GDAP1L1: variants seen among roughly 807,000 people sequenced by gnomAD.
GDAP1L1 encodes the protein ganglioside induced differentiation associated protein 1 like 1, also known as ganglioside-induced differentiation-associated protein 1-like 1.
Under a neutral mutation model 37.1 loss-of-function variants are expected in GDAP1L1, and 21 were observed. That is an observed-to-expected ratio of 0.57 (90% CI 0.40 to 0.81). The LOEUF is 0.81. GDAP1L1 is among the 40% of genes least tolerant of loss of function. GDAP1L1 has a pLI of 0.00. For missense variants in GDAP1L1, 362 were observed against 491.6 expected (o/e 0.74, Z 2.49); for synonymous variants, 193 against 209.1 (o/e 0.92, Z 0.67).
intron 2 of GDAP1L1, chr20:44,258,050 C>T (rs1323626240): frequency 1.5e-6 from 1 of 663,164 alleles, no homozygotes. Flanking sequence ...CTCAGACACC[C>T]ACTGGGAGGG....
intron 5 of GDAP1L1, among the ~76,000 whole-genome samples, chr20:44,271,425 G>C (rs2062514580): frequency 6.6e-6 from 1 of 152,186 alleles, no homozygotes; most frequent in Non-Finnish European, 1.5e-5. Flanking sequence ...AATGGTGTCA[G>C]TGCTGCTGGG....
intron 1 of GDAP1L1, 145 bp from the exon 2 acceptor site, chr20:44,257,008 C>A: frequency 1.2e-6 from 1 of 840,006 alleles, no homozygotes; most frequent in East Asian, 2.7e-5. Flanking sequence ...CCCCCCAAAC[C>A]CAGGTGCCCA....
rs373550446 is a variant in GDAP1L1, at chr20:44,258,653, C to T, written c.547+46C>T. On this transcript the variant is annotated intron_variant, in intron 3 of 5. Coordinates refer to ENST00000342560, the MANE Select transcript of GDAP1L1 (RefSeq NM_024034.6). ...ACAGCCCCTCTGCTTTCCCCCTTTG[C>T]GCCGCTCCTTTCTTCCAAAGGATGT... 7.4e-4 allele frequency: 1,051 copies of T among 1,415,014 alleles called. 9 individuals carry two copies. In the Middle Eastern group the frequency reaches 0.011, roughly 15 times the overall value. The allele number at this position is 1,415,014 out of a possible 1,614,324, so 87.7% of individuals were successfully genotyped here. A position where few individuals can be genotyped will look rare whatever the true frequency, so the allele number is the denominator to read the frequency against.
chr20:44,251,196 C>T (rs1189014827), intron 1 of GDAP1L1, among the ~76,000 whole-genome samples: 2 of 152,194 alleles, frequency 1.3e-5, no homozygotes, highest in African/African-American at 4.8e-5. Context: ...AGATCTAATG[C>T]ATGTAAAGCT....
chr20:44,267,816 C>G (rs2062471378), intron 5 of GDAP1L1, among the ~76,000 whole-genome samples: 1 of 152,142 alleles, frequency 6.6e-6, no homozygotes, highest in African/African-American at 2.4e-5. Context: ...TGGAGAATAG[C>G]CTCAGACATG....
rs926317632 is a variant in GDAP1L1 at position 44,279,463 on chromosome 20, G to A, written c.*163G>A. 4.9e-5 allele frequency: 35 copies of A among 712,546 alleles called. No individual in the cohort carries two copies. Among genetic ancestry groups the A allele is most frequent in the Non-Finnish European group, 8.0e-5 (31 of 385,332 alleles). 44.1% of individuals were successfully genotyped at this position (712,546 alleles called of 1,614,324 possible). On this transcript the variant is annotated 3_prime_UTR_variant, in exon 6 of 6. Coordinates refer to ENST00000342560, the MANE Select transcript of GDAP1L1 (RefSeq NM_024034.6). Reference sequence around the variant, plus strand: ...TGTGAAAACATTCCGTAGTTTAGAAGTAGACGTTGCCAATGCTGTGACTCA... The same window carrying A: ...TGTGAAAACATTCCGTAGTTTAGAAATAGACGTTGCCAATGCTGTGACTCA...
intron 5 of GDAP1L1, chr20:44,264,764 A>C: frequency 8.1e-7 from 1 of 1,236,964 alleles, no homozygotes; most frequent in South Asian, 1.6e-5. Flanking sequence ...CCCCTCTCTG[A>C]AATTCAGTTT....
At chr20:44,273,459 G>A (rs1045545475) in intron 5 of GDAP1L1, among the ~76,000 whole-genome samples, 7 of 152,210 alleles carry the variant, frequency 4.6e-5, no homozygotes, top group African/African-American at 7.2e-5. Context: ...TTCACTGTCC[G>A]TCACTCCCAT....
intron 1 of GDAP1L1, among the ~76,000 whole-genome samples, chr20:44,254,858 G>A (rs2073509412): frequency 1.3e-5 from 2 of 152,168 alleles, no homozygotes; most frequent in South Asian, 2.1e-4. Flanking sequence ...GGTGGGGCAT[G>A]AAGTACTCTA....
At chr20:44,256,575 G>A (rs1449001686) in intron 1 of GDAP1L1, among the ~76,000 whole-genome samples, 5 of 151,878 alleles carry the variant, frequency 3.3e-5, no homozygotes, top group African/African-American at 2.4e-5. Flanking sequence ...CAGGAGAATC[G>A]CTTGAGTCCA....
chr20:44,265,353 C>A (rs554680128), intron 5 of GDAP1L1: 1 of 985,444 alleles, frequency 1.0e-6, no homozygotes, highest in Non-Finnish European at 1.2e-6. Flanking sequence ...TTTGCCACAG[C>A]CCTTCTTCAA....
rs8122232 is a variant in GDAP1L1 at position 44,279,708 on chromosome 20, C to A, written c.*408C>A. ...GGGCCTGACCCCTCACCTCCCCTTC[C>A]CTCTTGCCCAGGGAACTCTTCCACA... is the stretch of plus-strand genomic sequence containing the variant. On this transcript the variant is annotated 3_prime_UTR_variant, in exon 6 of 6. Transcript: ENST00000342560. 6.6e-3 allele frequency: 3,126 copies of A among 474,614 alleles called. 88 individuals carry two copies. Among genetic ancestry groups the A allele is most frequent in the African/African-American group, 0.055 (2,775 of 50,320 alleles). The allele number at this position is 474,614 out of a possible 1,614,324, so 29.4% of individuals were successfully genotyped here. A position where few individuals can be genotyped will look rare whatever the true frequency, so the allele number is the denominator to read the frequency against.
At chr20:44,267,955 C>T (rs963738801) in intron 5 of GDAP1L1, among the ~76,000 whole-genome samples, 1 of 152,208 alleles carries the variant, frequency 6.6e-6, no homozygotes, top group Non-Finnish European at 1.5e-5. Flanking sequence ...GAGGTGTCGA[C>T]AGTCCTTGCA....
Position 44,257,331 on chromosome 20 carries a change from G to T in GDAP1L1, c.359G>T (p.Arg120Leu). 2.5e-6 allele frequency: 4 copies of T among 1,613,294 alleles called. No homozygotes were observed. The South Asian group carries it at 3.3e-5, about 13-fold the overall frequency. The change falls in exon 2 of 6, where the codon CGC becomes CTC. Residue 120 changes from arginine (R) to leucine (L), a missense_variant. By Grantham distance (102) the Arg-to-Leu change is moderately radical. This residue lies in a region of GDAP1L1 where 277 missense variants were observed against 337.1 expected (regional missense o/e 0.82). Transcript: ENST00000342560. ...DYDQIIDYVE[R>L]TFTGEHVVAL... is the part of the protein sequence containing the mutation. ...GACCAGATCATTGACTATGTGGAGC[G>T]CACCTTCACAGGAGGTACGGCTGCC...
At chr20:44,262,885 T>C (rs1266375038) in intron 3 of GDAP1L1, among the ~76,000 whole-genome samples, 1 of 149,554 alleles carries the variant, frequency 6.7e-6, no homozygotes, top group Non-Finnish European at 1.5e-5. Flanking sequence ...CTGGCTAACT[T>C]TTTTTTTTTA....
chr20:44,258,970 C>G (rs948279440), intron 3 of GDAP1L1, among the ~76,000 whole-genome samples: 1 of 151,874 alleles, frequency 6.6e-6, no homozygotes, highest in Non-Finnish European at 1.5e-5. Context: ...TGTCCTGCCC[C>G]CCCCATACAC....
rs1021487485 is a variant in GDAP1L1, at chr20:44,259,088, G to A, written c.547+481G>A. 2.6e-5 allele frequency among the ~76,000 whole-genome samples: 4 copies of A among 152,108 alleles called. No individual in the cohort carries two copies. In the South Asian group the frequency reaches 8.3e-4, roughly 32 times the overall value. ...GCCAAGGGCTCTGAGTGACCTCAGG[G>A]TTAGGATTACCAAGGAAGACTACCC... On this transcript the variant is annotated intron_variant, in intron 3 of 5. Coordinates refer to ENST00000342560, the MANE Select transcript of GDAP1L1 (RefSeq NM_024034.6).
chr20:44,266,908 T>C (rs1221613335), intron 5 of GDAP1L1, among the ~76,000 whole-genome samples: 3 of 152,178 alleles, frequency 2.0e-5, no homozygotes, highest in Non-Finnish European at 4.4e-5. Context: ...GTAACTGTCC[T>C]GGGCCACACA....
intron 5 of GDAP1L1, among the ~76,000 whole-genome samples, chr20:44,278,217 C>T (rs1009387522): frequency 4.0e-5 from 6 of 149,332 alleles, no homozygotes; most frequent in South Asian, 2.1e-4. Flanking sequence ...GGCTTTTGGG[C>T]GGAGCAACTG....
Sources: allele counts gnomAD v4.1 joint callset (sites outside exome capture counted in the v4.1 genomes callset), GRCh38; gene constraint gnomAD v4.1.1; regional missense constraint gnomAD v4.1.1; transcripts MANE v1.5; gene names NCBI Gene and HGNC (gene_info 2026-07-23, HGNC 2026-07-21).